Variants in KSR1 observed in about 807,000 individuals in gnomAD.
KSR1 encodes the protein kinase suppressor of ras 1.
A neutral mutation model predicts 92.9 loss-of-function variants in KSR1; 35 were observed. That is an observed-to-expected ratio of 0.38 (90% CI 0.29 to 0.50). The LOEUF is 0.50. KSR1 is among the 20% of genes least tolerant of loss of function. KSR1 has a pLI of 0.94. For missense variants in KSR1, 972 were observed against 1,158.5 expected (o/e 0.84, Z 2.34); for synonymous variants, 467 against 472.6 (o/e 0.99, Z 0.15).
intron 1 of KSR1, among the ~76,000 whole-genome samples, chr17:27,467,663 A>T (rs884186): frequency 0.11 from 17,287 of 152,188 alleles, 1,257 homozygotes; most frequent in African/African-American, 0.2. Context: ...CCATCTGGTC[A>T]TTTTATAGAC....
intron 1 of KSR1, among the ~76,000 whole-genome samples, chr17:27,460,661 C>T (rs1283624844): frequency 6.6e-6 from 1 of 152,150 alleles, no homozygotes; most frequent in Admixed American, 6.5e-5. Context: ...TCTGGAAGGT[C>T]AGAGAGGCCT....
At chr17:27,608,196 G>A (rs1284518919) in intron 15 of KSR1, among the ~76,000 whole-genome samples, 186 bp downstream of exon 15, 1 of 152,170 alleles carries the variant, frequency 6.6e-6, no homozygotes, top group Non-Finnish European at 1.5e-5. Flanking sequence ...TTCAGAGCTG[G>A]GAGCTGATTG....
rs376065082 is a variant in KSR1 at position 27,605,685 on chromosome 17, C to T, written c.1866C>T (p.Asp622=). 28 of 1,612,658 alleles carry T rather than the reference C, an allele frequency of 1.7e-5. No individual in the cohort carries two copies. Among genetic ancestry groups the T allele is most frequent in the Admixed American group, 1.7e-5 (1 of 59,968 alleles). Residue 622 remains aspartate (D), a synonymous_variant, in exon 14 of 21, where the codon GAC becomes GAT. Transcript: ENST00000644974. ...TGGCCATTCGCCTGCTGGAGATGGACGGCCACAACCAGGACCACCTGAAGC... is the reference window on the plus strand; with the variant it reads ...TGGCCATTCGCCTGCTGGAGATGGATGGCCACAACCAGGACCACCTGAAGC... ...GEVAIRLLEM[D]GHNQDHLKLF... is the part of the protein sequence containing the mutation.
chr17:27,589,138 T>C (rs553400330), intron 6 of KSR1, among the ~76,000 whole-genome samples: 18 of 152,166 alleles, frequency 1.2e-4, no homozygotes, highest in Non-Finnish European at 1.8e-4. Context: ...CCCATCTTTG[T>C]TGGGTGGAGA....
chr17:27,552,065 T>C (rs1222283069), intron 2 of KSR1, among the ~76,000 whole-genome samples: 1 of 152,208 alleles, frequency 6.6e-6, no homozygotes, highest in Non-Finnish European at 1.5e-5. Flanking sequence ...TGCCCATGAC[T>C]CATCCCTTGA....
Position 27,577,439 on chromosome 17 carries a change from C to T in KSR1, c.373-53C>T. On this transcript the variant is annotated intron_variant, in intron 2 of 20. Transcript: ENST00000644974. The surrounding 1 kb of genome is among the most constrained non-coding windows in gnomAD (Gnocchi z 4.5). ...GAGGCCAGCCTGAGGCTGAGGGGCT[C>T]CCGGCCCAGCCGACTGCTCACCGCC... 4 of 1,183,064 alleles carry T rather than the reference C, an allele frequency of 3.4e-6. No homozygotes were observed. The allele number at this position is 1,183,064 out of a possible 1,614,324, so 73.3% of individuals were successfully genotyped here.
chr17:27,498,499 T>C (rs2069070025), intron 1 of KSR1, among the ~76,000 whole-genome samples: 1 of 152,190 alleles, frequency 6.6e-6, no homozygotes, highest in South Asian at 2.1e-4. Flanking sequence ...TCTCCCACTT[T>C]CCGGACAGTC....
At chr17:27,556,115 A>G (rs1046922898) in intron 2 of KSR1, among the ~76,000 whole-genome samples, 26 of 152,258 alleles carry the variant, frequency 1.7e-4, no homozygotes, top group African/African-American at 2.4e-5. Flanking sequence ...TCTACAGGGA[A>G]AAAAACCTAG....
chr17:27,518,982 G>A (rs2069911917), intron 1 of KSR1, among the ~76,000 whole-genome samples: 1 of 152,222 alleles, frequency 6.6e-6, no homozygotes, highest in Non-Finnish European at 1.5e-5. Context: ...GTTGGGTGAT[G>A]TGTCTAGGGT....
chr17:27,478,244 G>T (rs2068403864), intron 1 of KSR1, among the ~76,000 whole-genome samples: 1 of 152,152 alleles, frequency 6.6e-6, no homozygotes, highest in Admixed American at 6.6e-5. Context: ...ACACAAACCG[G>T]TATAAAAGGG....
chr17:27,555,448 T>TGG (rs2071555170), intron 2 of KSR1, among the ~76,000 whole-genome samples: 1 of 152,184 alleles, frequency 6.6e-6, no homozygotes, highest in East Asian at 1.9e-4. Flanking sequence ...CTTTGGCCAT[T>TGG]GGGAGTTCTT....
intron 2 of KSR1, among the ~76,000 whole-genome samples, chr17:27,552,905 A>G (rs1043136571): frequency 6.6e-6 from 1 of 152,144 alleles, no homozygotes; most frequent in African/African-American, 2.4e-5. Flanking sequence ...GTGTTGTTTA[A>G]TTATCCCAAC....
intron 1 of KSR1, among the ~76,000 whole-genome samples, chr17:27,514,670 A>AG (rs2069723428): frequency 6.6e-6 from 1 of 151,994 alleles, no homozygotes; most frequent in South Asian, 2.1e-4. Flanking sequence ...CAAAAAAAAA[A>AG]AAAAAGAAAA....
intron 3 of KSR1, chr17:27,579,205 A>T (rs1469300484): frequency 6.6e-6 from 1 of 152,326 alleles, no homozygotes; most frequent in Non-Finnish European, 1.5e-5. Flanking sequence ...TCCGCTGGGT[A>T]CCAGTGATCC....
chr17:27,469,823 G>C (rs1274466143), intron 1 of KSR1, among the ~76,000 whole-genome samples: 1 of 152,158 alleles, frequency 6.6e-6, no homozygotes, highest in Non-Finnish European at 1.5e-5. Context: ...ATTTGGCAAA[G>C]CATTTTCCGT....
intron 5 of KSR1, 182 bp from the exon 6 acceptor site, chr17:27,588,293 C>T: frequency 2.3e-6 from 1 of 438,536 alleles, no homozygotes. Context: ...CGAGGGGAAC[C>T]ACACCATGCC....
chr17:27,543,735 A>G (rs908136877), intron 1 of KSR1, among the ~76,000 whole-genome samples: 6 of 152,146 alleles, frequency 3.9e-5, no homozygotes, highest in Admixed American at 6.5e-5. Context: ...AGCCGATGTC[A>G]TTTCATTCCC....
chr17:27,565,240 TC>T (rs1057318489), intron 2 of KSR1, among the ~76,000 whole-genome samples: 3 of 152,220 alleles, frequency 2.0e-5, no homozygotes, highest in African/African-American at 7.2e-5. Context: ...GCTAGGCTTC[TC>T]TTTTTCTTTT....
At chr17:27,533,180 A>G (rs1293294398) in intron 1 of KSR1, among the ~76,000 whole-genome samples, 1 of 152,158 alleles carries the variant, frequency 6.6e-6, no homozygotes, top group African/African-American at 2.4e-5. Context: ...TAGCCGCATG[A>G]CATGGGACTG....
Sources: allele counts gnomAD v4.1 joint callset (sites outside exome capture counted in the v4.1 genomes callset), GRCh38; gene constraint gnomAD v4.1.1; non-coding constraint Gnocchi (gnomAD v3.1); transcripts MANE v1.5; gene names NCBI Gene and HGNC (gene_info 2026-07-23, HGNC 2026-07-21).